Variants in ZCCHC7 observed in about 807,000 individuals in gnomAD.
ZCCHC7 encodes the protein zinc finger CCHC-type containing 7, also known as zinc finger CCHC domain-containing protein 7.
A neutral mutation model predicts 52.0 loss-of-function variants in ZCCHC7; 35 were observed. That is an observed-to-expected ratio of 0.67 (90% CI 0.51 to 0.89). The LOEUF is 0.89. Ranked by LOEUF, ZCCHC7 falls within the 40% of genes least tolerant of loss-of-function variation. The pLI is 0.00. For missense variants in ZCCHC7, 574 were observed against 649.1 expected (o/e 0.88, Z 1.26); for synonymous variants, 217 against 221.5 (o/e 0.98, Z 0.18).
chr9:37,255,741 A>G lies in ZCCHC7; in HGVS notation c.611-46447A>G, dbSNP rs1045013875. Among the ~76,000 whole-genome samples, 12 of 152,172 alleles carry G rather than the reference A, an allele frequency of 7.9e-5. No homozygotes were observed. The South Asian group carries it at 1.9e-3, about 24-fold the overall frequency. The stretch of plus-strand genomic sequence containing the variant: ...TCTATCAGCCCTTTGGGAGACCATG[A>G]GTAACCTATCATTTGGTTTTAGCTC... On this transcript the variant is annotated intron_variant, in intron 2 of 8. Transcript: ENST00000336755.
intron 2 of ZCCHC7, among the ~76,000 whole-genome samples, chr9:37,290,814 A>G (rs1828499307): frequency 1.3e-5 from 2 of 152,214 alleles, no homozygotes. Context: ...AAGATACTTC[A>G]TGGCCTCCTG....
chr9:37,169,635 ATTAC>A (rs1278675202), intron 2 of ZCCHC7, among the ~76,000 whole-genome samples: 1 of 152,144 alleles, frequency 6.6e-6, no homozygotes, highest in East Asian at 1.9e-4. Context: ...TTATCTTTTA[ATTAC>A]TTTTATAACA....
intron 2 of ZCCHC7, among the ~76,000 whole-genome samples, chr9:37,149,279 G>A (rs917442455): frequency 6.6e-6 from 1 of 152,024 alleles, no homozygotes; most frequent in Non-Finnish European, 1.5e-5. Flanking sequence ...TTTATAGTTC[G>A]GTGTTTCCAA....
intron 2 of ZCCHC7, 135 bp downstream of exon 2, chr9:37,127,077 A>G (rs1471047944): frequency 1.6e-5 from 17 of 1,058,074 alleles, no homozygotes; most frequent in East Asian, 9.7e-5. Flanking sequence ...TTTGTTTCTC[A>G]TGCGACTCTC....
At chr9:37,314,046 T>C (rs1291440586) in intron 5 of ZCCHC7, among the ~76,000 whole-genome samples, 1 of 152,234 alleles carries the variant, frequency 6.6e-6, no homozygotes, top group African/African-American at 2.4e-5. Flanking sequence ...TCTTTTCAAC[T>C]CTCCGTATAG....
chr9:37,228,023 C>G (rs879308604), intron 2 of ZCCHC7, among the ~76,000 whole-genome samples: 2 of 152,122 alleles, frequency 1.3e-5, no homozygotes, highest in African/African-American at 4.8e-5. Flanking sequence ...TCTCAAATTC[C>G]TGGCCTCAAG....
intron 2 of ZCCHC7, among the ~76,000 whole-genome samples, chr9:37,209,255 T>C (rs1273393662): frequency 6.6e-6 from 1 of 152,104 alleles, no homozygotes; most frequent in Non-Finnish European, 1.5e-5. Context: ...TTAGCCAGGA[T>C]GGTCTCGATC....
intron 4 of ZCCHC7, among the ~76,000 whole-genome samples, chr9:37,304,869 T>C (rs1388355859): frequency 6.6e-6 from 1 of 152,236 alleles, no homozygotes; most frequent in Admixed American, 6.5e-5. Context: ...TTTTCTTGTC[T>C]ATAAAATGAA....
chr9:37,223,936 A>G (rs906606097), intron 2 of ZCCHC7, among the ~76,000 whole-genome samples: 1 of 152,144 alleles, frequency 6.6e-6, no homozygotes, highest in African/African-American at 2.4e-5. Context: ...CCTAAAAAAG[A>G]CAATGTTCTA....
chr9:37,132,944 C>T (rs1842853169), intron 2 of ZCCHC7, among the ~76,000 whole-genome samples: 1 of 152,190 alleles, frequency 6.6e-6, no homozygotes, highest in African/African-American at 2.4e-5. Flanking sequence ...CGAGACTAGC[C>T]TGACCAACAT....
chr9:37,132,405 C>A (rs1842821556), intron 2 of ZCCHC7, among the ~76,000 whole-genome samples: 1 of 152,170 alleles, frequency 6.6e-6, no homozygotes, highest in Non-Finnish European at 1.5e-5. Context: ...TAATTGACTT[C>A]AGTGTCCCAT....
At chr9:37,342,036 T>TA (rs1820668912) in intron 6 of ZCCHC7, among the ~76,000 whole-genome samples, 1 of 152,178 alleles carries the variant, frequency 6.6e-6, no homozygotes, top group African/African-American at 2.4e-5. Flanking sequence ...TTGCAGGCTA[T>TA]AAGGATCATC....
At chr9:37,173,659 T>C (rs1821861142) in intron 2 of ZCCHC7, among the ~76,000 whole-genome samples, 1 of 152,210 alleles carries the variant, frequency 6.6e-6, no homozygotes, top group Non-Finnish European at 1.5e-5. Flanking sequence ...CTAATCAGAT[T>C]AAAAACTTTT....
chr9:37,125,040 T>C (rs1161623947), intron 1 of ZCCHC7, among the ~76,000 whole-genome samples: 4 of 152,214 alleles, frequency 2.6e-5, no homozygotes, highest in Non-Finnish European at 4.4e-5. Flanking sequence ...TTAGCAGATA[T>C]GTAGTTTCAC....
At chr9:37,272,509 A>G (rs571228276) in intron 2 of ZCCHC7, among the ~76,000 whole-genome samples, 8 of 150,932 alleles carry the variant, frequency 5.3e-5, no homozygotes, top group Non-Finnish European at 8.9e-5. Flanking sequence ...AAAAAAAAAA[A>G]AAAAAGAAAG....
At chr9:37,196,124 T>C (rs1207275622) in intron 2 of ZCCHC7, among the ~76,000 whole-genome samples, 2 of 152,252 alleles carry the variant, frequency 1.3e-5, no homozygotes. Context: ...ATATAAATAT[T>C]TGGGCATGGA....
intron 1 of ZCCHC7, among the ~76,000 whole-genome samples, chr9:37,123,012 C>G (rs976993966): frequency 6.6e-6 from 1 of 152,250 alleles, no homozygotes; most frequent in Non-Finnish European, 1.5e-5. Context: ...TGAATCACTT[C>G]TAGCCGTGTT....
intron 5 of ZCCHC7, among the ~76,000 whole-genome samples, chr9:37,318,213 A>G (rs770516893): frequency 6.6e-6 from 1 of 151,894 alleles, no homozygotes; most frequent in Non-Finnish European, 1.5e-5. Context: ...CGTTTCGAAA[A>G]TGATATAAAA....
chr9:37,153,534 G>A (rs895191682), intron 2 of ZCCHC7, among the ~76,000 whole-genome samples: 1 of 151,578 alleles, frequency 6.6e-6, no homozygotes, highest in Admixed American at 6.6e-5. Flanking sequence ...GGCTGGTCTC[G>A]AACTCCTAAG....
Sources: gnomAD v4.1 joint callset for allele counts (sites outside exome capture counted in the v4.1 genomes callset) on GRCh38, gnomAD v4.1.1 for gene constraint, MANE v1.5 for transcripts, NCBI Gene and HGNC (gene_info 2026-07-23, HGNC 2026-07-21) for gene names.